Variants in SLC12A5 observed in about 807,000 individuals in gnomAD.
SLC12A5 encodes the protein K-Cl cotransporter 2.
Under a neutral mutation model 124.0 loss-of-function variants are expected in SLC12A5, and 18 were observed. The ratio of observed to expected loss-of-function variants is 0.15; its 90% CI spans 0.10 to 0.22. SLC12A5 has a LOEUF of 0.22. SLC12A5 is among the 10% of genes least tolerant of loss of function. The pLI, the probability that SLC12A5 is intolerant of heterozygous loss-of-function variation, is 1.00. For missense variants in SLC12A5, 867 were observed against 1,478.7 expected (o/e 0.59, Z 6.78); for synonymous variants, 589 against 568.0 (o/e 1.04, Z -0.53).
Position 46,056,096 on chromosome 20 carries a change from G to C in SLC12A5, c.2788-54G>C, listed in dbSNP as rs544959995. ...TCATCTCTGGTGATAGCTCTTTGCA[G>C]GGCATGGGTGGTGACTCCCAGCAGA... On this transcript the variant is annotated intron_variant, in intron 21 of 25. Coordinates refer to ENST00000243964, the MANE Select transcript of SLC12A5 (RefSeq NM_020708.5). This position sits in a 1 kb window ranked among gnomAD's most constrained non-coding sequence, Gnocchi z 4.3. 23 of 1,607,406 alleles carry C rather than the reference G, an allele frequency of 1.4e-5. No individual in the cohort carries two copies. Among genetic ancestry groups the C allele is most frequent in the Non-Finnish European group, 2.0e-5 (23 of 1,176,754 alleles).
chr20:46,027,931 T>C (rs761075455), upstream of SLC12A5: 1 of 152,246 alleles, frequency 6.6e-6, no homozygotes, highest in Non-Finnish European at 1.5e-5. Context: ...GAAGAACTTT[T>C]CTGGAACTTA....
At position 46,040,731 on chromosome 20, in the gene SLC12A5, G is replaced by A. The variant is rs1198078567; in HGVS notation, c.854+117G>A. ...CAGAATCTCAGAGTGGTGTGGGTTG[G>A]GAGTAGCTTCCCTTGGGAGGGAAAA... On this transcript the variant is annotated intron_variant, in intron 7 of 25. Transcript: ENST00000243964. 3.4e-6 allele frequency: 5 copies of A among 1,471,432 alleles called. No homozygotes were observed. In the South Asian group the frequency reaches 5.5e-5, roughly 16 times the overall value. The allele number at this position is 1,471,432 out of a possible 1,614,324, so 91.1% of individuals were successfully genotyped here. A position where few individuals can be genotyped will look rare whatever the true frequency, so the allele number is the denominator to read the frequency against.
intron 2 of SLC12A5, 141 bp from the exon 3 acceptor site, chr20:46,035,263 A>C: frequency 8.8e-7 from 1 of 1,141,730 alleles, no homozygotes; most frequent in East Asian, 2.4e-5. Context: ...TGTTCTCCTC[A>C]CCTGTTCCTC....
At chr20:46,035,988 G>A (rs2084495231) in intron 4 of SLC12A5, 65 bp downstream of exon 4, 6 of 1,534,538 alleles carry the variant, frequency 3.9e-6, no homozygotes, top group Non-Finnish European at 5.3e-6. Flanking sequence ...CTGGGGGTGG[G>A]AGGTGGGAGG....
Position 46,056,568 on chromosome 20 carries a change from C to A in SLC12A5, c.3110+4C>A. On this transcript the variant is annotated splice_donor_region_variant and intron_variant, in intron 23 of 25. Transcript: ENST00000243964. This position sits in a 1 kb window ranked among gnomAD's most constrained non-coding sequence, Gnocchi z 4.3. ...AGGACTTCTTCAGCATGAAGCCGTA[C>A]GGGCCTGGGGGCTAAGGGCTGGGGG... 6.2e-7 allele frequency: 1 copy of A among 1,612,938 alleles called. No individual in the cohort carries two copies. The highest frequency in any genetic ancestry group is 8.5e-7 in the Non-Finnish European group (1 of 1,179,334).
rs765735382 is a variant in SLC12A5 at position 46,034,990 on chromosome 20, C to G, written c.95C>G (p.Thr32Ser). The stretch of plus-strand genomic sequence containing the variant: ...GAAAGCAGTCCCTTCATCAACAGCA[C>G]CGACACAGAGAAGGGAAAGGAGTAT... The part of the protein sequence containing the change: ...PKESSPFINS[T>S]DTEKGKEYDG... The change falls in exon 2 of 26, where the codon ACC becomes AGC. Residue 32 changes from threonine (T) to serine (S), a missense_variant. This residue lies in a region of SLC12A5 where 58 missense variants were observed against 52.2 expected (regional missense o/e 1.11). Transcript: ENST00000243964. The G allele has an allele frequency of 4.3e-6, 7 of 1,613,914 alleles. No individual in the cohort carries two copies.
At chr20:46,055,101 C>A in intron 21 of SLC12A5, 78 bp downstream of exon 21, 1 of 977,340 alleles carries the variant, frequency 1.0e-6, no homozygotes, top group Non-Finnish European at 1.6e-6. Context: ...TGCCTCAGGG[C>A]TGACACTCCT....
In SLC12A5 at chr20:46,059,378, T is replaced by G. The variant is rs1440329141; in HGVS notation, c.*1773T>G. ...CAGTTACACCAAGTCCCCTCTGAGA[T>G]TCGATCAGGGGACTGGATAGATTCT... On this transcript the variant is annotated 3_prime_UTR_variant, in exon 26 of 26. Transcript: ENST00000243964. 5.1e-6 allele frequency: 2 copies of G among 391,894 alleles called. No individual in the cohort carries two copies. The highest frequency in any genetic ancestry group is 9.0e-6 in the Non-Finnish European group (2 of 222,580). 24.3% of individuals were successfully genotyped at this position (391,894 alleles called of 1,614,324 possible).
chr20:46,037,759 G>A (rs1349743887), intron 6 of SLC12A5, among the ~76,000 whole-genome samples: 1 of 152,208 alleles, frequency 6.6e-6, no homozygotes, highest in Non-Finnish European at 1.5e-5. Flanking sequence ...AGGCGGCAGA[G>A]GTGGGTTGAT....
rs1010791227 is a variant in SLC12A5 at position 46,054,942 on chromosome 20, C to T, written c.2706C>T (p.Thr902=). The T allele has an allele frequency of 6.2e-7, 1 of 1,614,026 alleles. No homozygotes were observed. The highest frequency in any genetic ancestry group is 8.5e-7 in the Non-Finnish European group (1 of 1,179,966). ...ATGAGAGCGACATCTCAGCTTACAC[C>T]TATGAGAAGACGTTGGTGATGGAGC... ...EMHESDISAY[T]YEKTLVMEQR... is the part of the protein sequence containing the mutation. The change falls in exon 21 of 26, where the codon ACC becomes ACT. Residue 902 remains threonine (T), a synonymous_variant. Coordinates refer to ENST00000243964, the MANE Select transcript of SLC12A5 (RefSeq NM_020708.5).
At chr20:46,022,941 A>AGGGGAGGAGGAGGAGGAG in exon 2 of SLC12A5, 7 of 246,366 alleles carry the variant, frequency 2.8e-5, no homozygotes, top group African/African-American at 5.1e-5. Context: ...GGCCCCAGCG[A>AGGGGAGGAGGAGGAGGAG]GGGGAGGAGG....
chr20:46,027,561 A>C (rs574078160), upstream of SLC12A5: 1 of 152,308 alleles, frequency 6.6e-6, no homozygotes, highest in East Asian at 1.9e-4. Flanking sequence ...CCAAGAGTCC[A>C]TTCTAGCCCT....
upstream of SLC12A5, among the ~76,000 whole-genome samples, chr20:46,025,367 C>G (rs529927876): frequency 6.6e-6 from 1 of 152,144 alleles, no homozygotes; most frequent in Non-Finnish European, 1.5e-5. Flanking sequence ...CCTCACTGCC[C>G]GGTACCTCAG....
At chr20:46,044,862 G>C in intron 11 of SLC12A5, 104 bp from the exon 12 acceptor site, 1 of 1,310,078 alleles carries the variant, frequency 7.6e-7, no homozygotes, top group Non-Finnish European at 1.1e-6. Flanking sequence ...ACAGAACTTA[G>C]TCCTGTGGCA....
chr20:46,036,880 C>T, intron 5 of SLC12A5, 85 bp downstream of exon 5: 1 of 1,519,074 alleles, frequency 6.6e-7, no homozygotes. Flanking sequence ...CATCAAGGCC[C>T]AAGAGAGATA....
chr20:46,023,772 C>T (rs140044706), downstream of SLC12A5, among the ~76,000 whole-genome samples: 359 of 152,284 alleles, frequency 2.4e-3, 1 homozygote, highest in African/African-American at 8.2e-3. Context: ...GGATGGCAGT[C>T]GTTTTCTTTA....
Position 46,035,909 on chromosome 20 carries a change from A to T in SLC12A5, c.412A>T (p.Ile138Phe), listed in dbSNP as rs755477453. The change falls in exon 4 of 26, where the codon ATC (isoleucine) becomes TTC (phenylalanine). Residue 138 changes from isoleucine to phenylalanine, a missense_variant. Transcript: ENST00000243964. Reference protein sequence around the residue: ...GIMESFCMVFICCSCTMLTAI... With the variant: ...GIMESFCMVFFCCSCTMLTAI... ...CATGGAGTCCTTCTGCATGGTGTTC[A>T]TCTGCTGCTCCTGTGTGAGTGACAC... 6.2e-7 allele frequency: 1 copy of T among 1,612,236 alleles called. No individual in the cohort carries two copies. Among genetic ancestry groups the T allele is most frequent in the South Asian group, 1.1e-5 (1 of 90,948 alleles).
intron 11 of SLC12A5, 112 bp downstream of exon 11, chr20:46,044,045 A>C (rs1352375043): frequency 2.0e-6 from 2 of 999,626 alleles, no homozygotes; most frequent in Non-Finnish European, 2.9e-6. Flanking sequence ...GGCCTGTGGG[A>C]GGGAGGCCAC....
rs748274754 is a variant in SLC12A5, at chr20:46,056,225, G to A, written c.2863G>A (p.Val955Ile). The A allele has an allele frequency of 9.9e-6, 16 of 1,614,170 alleles. No individual in the cohort carries two copies. The highest frequency in any genetic ancestry group is 2.7e-5 in the African/African-American group (2 of 75,060). The change falls in exon 22 of 26, where the codon GTC becomes ATC. Residue 955 changes from valine (V) to isoleucine (I), a missense_variant. Val to Ile is a conservative substitution (Grantham distance 29). This residue lies in a region of SLC12A5 where 180 missense variants were observed against 243.6 expected (regional missense o/e 0.74). Coordinates refer to ENST00000243964, the MANE Select transcript of SLC12A5 (RefSeq NM_020708.5). This position sits in a 1 kb window ranked among gnomAD's most constrained non-coding sequence, Gnocchi z 4.3. ...NPANTRLRLN[V>I]PEETAGDSEE... ...AGCCAACACGCGGCTCCGCCTGAAC[G>A]TCCCAGAAGAGACGGCTGGTGACAG... is the stretch of plus-strand genomic sequence containing the variant.
Sources: allele counts gnomAD v4.1 joint callset (sites outside exome capture counted in the v4.1 genomes callset), GRCh38; gene constraint gnomAD v4.1.1; regional missense constraint gnomAD v4.1.1; non-coding constraint Gnocchi (gnomAD v3.1); transcripts MANE v1.5; gene names NCBI Gene and HGNC (gene_info 2026-07-23, HGNC 2026-07-21).